Variants in JAKMIP1 observed in about 807,000 individuals in gnomAD.
JAKMIP1 encodes the protein janus kinase and microtubule-interacting protein 1.
Under a neutral mutation model 113.0 loss-of-function variants are expected in JAKMIP1, and 33 were observed. The observed-to-expected ratio is 0.29, with a 90% CI of 0.22 to 0.39. The LOEUF (loss-of-function observed/expected upper bound fraction) is 0.39, where lower values mean the gene tolerates loss of function less well. Ranked by LOEUF, JAKMIP1 falls within the 10% of genes least tolerant of loss-of-function variation. The pLI is 1.00. For missense variants in JAKMIP1, 813 were observed against 1,080.5 expected, an observed-to-expected ratio of 0.75 and a Z score of 3.47; for synonymous variants, 480 against 459.9, an observed-to-expected ratio of 1.04 and a Z score of -0.56.
Position 6,059,616 on chromosome 4 carries a change from A to C in JAKMIP1, c.1644+808T>G, listed in dbSNP as rs1318359448. 2.0e-5 allele frequency among the ~76,000 whole-genome samples: 3 copies of C among 152,050 alleles called. No homozygotes were observed. The highest frequency in any genetic ancestry group is 2.9e-5 in the Non-Finnish European group (2 of 68,020). On this transcript the variant is annotated intron_variant, in intron 11 of 20. Transcript: ENST00000409021. The surrounding 1 kb of genome is among the most constrained non-coding windows in gnomAD (Gnocchi z 4.8). ...GACTGATGAATTTTGCTGAGGCAGC[A>C]AACAGCCAAGCAGAGGAAAAGTTCG...
chr4:6,152,208 A>T (rs1721650778), intron 1 of JAKMIP1, among the ~76,000 whole-genome samples: 1 of 152,164 alleles, frequency 6.6e-6, no homozygotes, highest in Admixed American at 6.5e-5. Flanking sequence ...GAATAAAACT[A>T]TCTAACCAGC....
chr4:6,031,572 G>A lies in JAKMIP1; in HGVS notation c.2380-1791C>T, dbSNP rs2108743910. ...TGTGCAGGAGGCCAAGAGGCCTTTG[G>A]TGGGGGGTCGGGGACAGAGCTCAGA... On this transcript the variant is annotated intron_variant, in intron 19 of 20. Transcript: ENST00000409021. The surrounding 1 kb of genome is among the most constrained non-coding windows in gnomAD (Gnocchi z 4.4). 6.6e-6 allele frequency among the ~76,000 whole-genome samples: 1 copy of A among 152,284 alleles called. No homozygotes were observed. Among genetic ancestry groups the A allele is most frequent in the Non-Finnish European group, 1.5e-5 (1 of 68,016 alleles).
Position 6,119,567 on chromosome 4 carries a change from C to CA in JAKMIP1, c.-147-6571dup, listed in dbSNP as rs202156003. Among the ~76,000 whole-genome samples the CA allele has an allele frequency of 3.3e-3, 401 of 120,536 alleles. 4 individuals are homozygous for CA. Among genetic ancestry groups the CA allele is most frequent in the South Asian group, 0.014 (56 of 3,970 alleles). The allele number at this position is 120,536 out of a possible 152,430, so 79.1% of individuals were successfully genotyped here. A position where few individuals can be genotyped will look rare whatever the true frequency, so the allele number is the denominator to read the frequency against. On this transcript the variant is annotated intron_variant, in intron 1 of 20. Coordinates refer to ENST00000409021, the MANE Select transcript of JAKMIP1 (RefSeq NM_001099433.2). ...CTCAAAAACAAACAAACAACAACAA[C>CA]AACAAAAAAAAACCACTCCTGGGAC...
rs1717032595 is a variant in JAKMIP1 at position 6,059,968 on chromosome 4, T to G, written c.1644+456A>C. Among the ~76,000 whole-genome samples, 1 of 152,152 alleles carries G rather than the reference T, an allele frequency of 6.6e-6. No individual in the cohort carries two copies. The highest frequency in any genetic ancestry group is 6.5e-5 in the Admixed American group (1 of 15,276). On this transcript the variant is annotated intron_variant, in intron 11 of 20. Coordinates refer to ENST00000409021, the MANE Select transcript of JAKMIP1 (RefSeq NM_001099433.2). This position sits in a 1 kb window ranked among gnomAD's most constrained non-coding sequence, Gnocchi z 4.8. Reference sequence around the variant, plus strand: ...AATGCAGTGGATGGGTAGGTGCAGTTGACTCTAACCTGAGCAGCACAGGAC... The same window carrying G: ...AATGCAGTGGATGGGTAGGTGCAGTGGACTCTAACCTGAGCAGCACAGGAC...
At chr4:6,034,877 A>G (rs886609145) in intron 19 of JAKMIP1, among the ~76,000 whole-genome samples, 2 of 152,178 alleles carry the variant, frequency 1.3e-5, no homozygotes, top group Admixed American at 1.3e-4. Context: ...AAATCAGTAG[A>G]CTTTGAGTAA....
In JAKMIP1 at chr4:6,180,318, A is replaced by T. The variant is rs1725874164; in HGVS notation, c.-148+19935T>A. On this transcript the variant is annotated intron_variant, in intron 1 of 20. Transcript: ENST00000409021. The surrounding 1 kb of genome is among the most constrained non-coding windows in gnomAD (Gnocchi z 4.5). ...ATAGAAATGAGAGTTGTTTATCAAC[A>T]TTCAAGAGAACATAATGAAGCTTCC... is the stretch of plus-strand genomic sequence containing the variant. Among the ~76,000 whole-genome samples, 1 of 152,248 alleles carries T rather than the reference A, an allele frequency of 6.6e-6. No homozygotes were observed. Among genetic ancestry groups the T allele is most frequent in the Non-Finnish European group, 1.5e-5 (1 of 68,046 alleles).
chr4:6,038,521 C>G (rs868658719), intron 18 of JAKMIP1, among the ~76,000 whole-genome samples: 1 of 152,034 alleles, frequency 6.6e-6, no homozygotes, highest in African/African-American at 2.4e-5. Flanking sequence ...CAGAGGCTAA[C>G]CGGTATCCCT....
chr4:6,078,219 G>A (rs1021883768), intron 8 of JAKMIP1, among the ~76,000 whole-genome samples: 5 of 151,904 alleles, frequency 3.3e-5, no homozygotes, highest in Non-Finnish European at 7.4e-5. Flanking sequence ...GGAGGCTGAG[G>A]CAGGAGAATC....
chr4:6,134,906 T>C (rs1719012160), intron 1 of JAKMIP1, among the ~76,000 whole-genome samples: 1 of 152,132 alleles, frequency 6.6e-6, no homozygotes, highest in South Asian at 2.1e-4. Context: ...AAACACGCAG[T>C]GTAGATGCAG....
chr4:6,105,378 T>C, intron 3 of JAKMIP1, 95 bp downstream of exon 3: 1 of 1,296,028 alleles, frequency 7.7e-7, no homozygotes, highest in South Asian at 1.4e-5. Flanking sequence ...GAACAATGCC[T>C]GGAGCACAGC....
Position 6,154,358 on chromosome 4 carries a change from GC to G in JAKMIP1, c.-147-41362del, listed in dbSNP as rs1721974553. On this transcript the variant is annotated intron_variant, in intron 1 of 20. Transcript: ENST00000409021. This position sits in a 1 kb window ranked among gnomAD's most constrained non-coding sequence, Gnocchi z 4.2. ...ACCCCCTAGGATGTTAAATCTGCAT[GC>G]CCAGAAAGGATTTACCACAAAGAGC... Among the ~76,000 whole-genome samples, 1 of 152,120 alleles carries G rather than the reference GC, an allele frequency of 6.6e-6. No homozygotes were observed. Among genetic ancestry groups the G allele is most frequent in the South Asian group, 2.1e-4 (1 of 4,816 alleles).
intron 3 of JAKMIP1, among the ~76,000 whole-genome samples, chr4:6,087,914 G>T (rs1469929149): frequency 6.6e-6 from 1 of 152,108 alleles, no homozygotes; most frequent in African/African-American, 2.4e-5. Flanking sequence ...GCATCTACCT[G>T]CTTGGGCCAA....
At chr4:6,101,798 C>T (rs1002544275) in intron 3 of JAKMIP1, among the ~76,000 whole-genome samples, 22 of 149,046 alleles carry the variant, frequency 1.5e-4, no homozygotes, top group Admixed American at 7.4e-4. Flanking sequence ...CCCAGCTACT[C>T]GGGAGGCTGA....
chr4:6,036,619 C>G (rs1283340623), intron 18 of JAKMIP1, among the ~76,000 whole-genome samples: 1 of 141,098 alleles, frequency 7.1e-6, no homozygotes, highest in African/African-American at 2.8e-5. Context: ...CCAACAAAAG[C>G]AAGCCACCCT....
chr4:6,115,052 T>C (rs557172448), intron 1 of JAKMIP1, among the ~76,000 whole-genome samples: 2 of 152,294 alleles, frequency 1.3e-5, no homozygotes, highest in East Asian at 3.9e-4. Context: ...AAATGATGTC[T>C]AAGCCCCGAC....
At chr4:6,152,789 A>AATATATATATATACATATAT (rs1721737819) in intron 1 of JAKMIP1, among the ~76,000 whole-genome samples, 1 of 135,294 alleles carries the variant, frequency 7.4e-6, no homozygotes, top group African/African-American at 2.9e-5. Context: ...TAAAAATACA[A>AATATATATATATACATATAT]ATATATATAT....
In JAKMIP1 at chr4:6,081,672, C is replaced by G. The variant is rs113369415; in HGVS notation, c.1038G>C (p.Leu346=). ...NKRMNKKNED[L]LQSIQRMEEK... ...CCTCCATCCTCTGGATACTCTGCAA[C>G]AGATCCTCATTCTTCTTGTTCATCC... The change falls in exon 6 of 21, where the codon CTG becomes CTC. Residue 346 remains leucine (L), a synonymous_variant. Transcript: ENST00000409021. This position sits in a 1 kb window ranked among gnomAD's most constrained non-coding sequence, Gnocchi z 4.6. 1.8e-3 allele frequency: 2,892 copies of G among 1,614,200 alleles called. 48 individuals are homozygous for G. The African/African-American group carries it at 0.034, about 19-fold the overall frequency.
intron 1 of JAKMIP1, among the ~76,000 whole-genome samples, chr4:6,159,516 GA>G (rs33992158): frequency 0.93 from 140,485 of 151,530 alleles, 65,744 homozygotes; most frequent in South Asian, 1. Flanking sequence ...CATGCAAGTG[GA>G]AAAAAAAAAT....
In JAKMIP1 at chr4:6,116,446, A is replaced by G. The variant is rs1397924123; in HGVS notation, c.-147-3449T>C. 1.3e-5 allele frequency among the ~76,000 whole-genome samples: 2 copies of G among 152,166 alleles called. No individual in the cohort carries two copies. Among genetic ancestry groups the G allele is most frequent in the Non-Finnish European group, 2.9e-5 (2 of 68,034 alleles). On this transcript the variant is annotated intron_variant, in intron 1 of 20. Coordinates refer to ENST00000409021, the MANE Select transcript of JAKMIP1 (RefSeq NM_001099433.2). The surrounding 1 kb of genome is among the most constrained non-coding windows in gnomAD (Gnocchi z 5.1). The stretch of plus-strand genomic sequence containing the variant: ...GCCGCAGGCTGGAGGATGACTGCTC[A>G]GGACACACAGGAGGCGGAGTCCTCA...
Sources: allele counts gnomAD v4.1 joint callset (sites outside exome capture counted in the v4.1 genomes callset), GRCh38; gene constraint gnomAD v4.1.1; non-coding constraint Gnocchi (gnomAD v3.1); transcripts MANE v1.5; gene names NCBI Gene and HGNC (gene_info 2026-07-23, HGNC 2026-07-21).